AZIN2: variants seen among roughly 807,000 people sequenced by gnomAD.
AZIN2 encodes the protein ODC antizyme inhibitor-2.
AZIN2 carries 28 observed loss-of-function variants against 47.8 expected under a neutral mutation model. That is an observed-to-expected ratio of 0.59 (90% confidence interval 0.43 to 0.80). The LOEUF (loss-of-function observed/expected upper bound fraction) is 0.80, where lower values mean the gene tolerates loss of function less well. Ranked by LOEUF, AZIN2 falls within the 30% of genes least tolerant of loss-of-function variation. The probability of loss-of-function intolerance (pLI) is 0.00; values close to 1 mark genes in which losing one functional copy is unlikely to be tolerated. For synonymous variants in AZIN2, 221 were observed against 239.4 expected (o/e 0.92, Z 0.71); for missense variants, 535 against 582.5 (o/e 0.92, Z 0.84).
In AZIN2 at chr1:33,121,719, C is replaced by G. The variant is rs1443005209; in HGVS notation, c.*1537C>G. Among the ~76,000 whole-genome samples, 1 of 152,260 alleles carries G rather than the reference C, an allele frequency of 6.6e-6. No homozygotes were observed. The highest frequency in any genetic ancestry group is 1.5e-5 in the Non-Finnish European group (1 of 68,044). On this transcript the variant is annotated 3_prime_UTR_variant, in exon 12 of 12. Transcript: ENST00000294517. ...TCCCATTCCCCAGTCCCTGATGACA[C>G]AAATCTACCTTCCATCTCTATGGAT...
downstream of AZIN2, among the ~76,000 whole-genome samples, chr1:33,124,523 CTT>C (rs531404527): frequency 1.3e-5 from 2 of 150,170 alleles, no homozygotes; most frequent in African/African-American, 2.4e-5. The surrounding 1 kb of genome is among the most constrained non-coding windows in gnomAD (Gnocchi z 4.6). Context: ...AGTCAGGAAA[CTT>C]TTTTTTTTAT....
intron 10 of AZIN2, among the ~76,000 whole-genome samples, chr1:33,109,700 A>G (rs554272894): frequency 9.2e-5 from 14 of 151,382 alleles, no homozygotes; most frequent in African/African-American, 3.4e-4. Flanking sequence ...TCTTTTATGG[A>G]TTGTGCCTTA....
the AZIN2 span, chr1:33,147,635 G>T: frequency 3.7e-6 from 6 of 1,614,008 alleles, no homozygotes; most frequent in Non-Finnish European, 5.1e-6. The surrounding 1 kb of genome is among the most constrained non-coding windows in gnomAD (Gnocchi z 8.1). Context: ...AGTGGCTGTG[G>T]GTGCAAGTTG....
intron 10 of AZIN2, among the ~76,000 whole-genome samples, chr1:33,103,498 G>A (rs967767949): frequency 6.6e-6 from 1 of 152,072 alleles, no homozygotes; most frequent in South Asian, 2.1e-4. Flanking sequence ...TGTCAGGGAG[G>A]CCTTTCCTGA....
At chr1:33,134,728 G>A in the AZIN2 span, among the ~76,000 whole-genome samples, 1 of 152,316 alleles carries the variant, frequency 6.6e-6, no homozygotes, top group East Asian at 1.9e-4. Context: ...CTGGGTTCTT[G>A]GCCCACAGCA....
At chr1:33,100,893 A>T (rs1430584464) in intron 10 of AZIN2, among the ~76,000 whole-genome samples, 1 of 151,104 alleles carries the variant, frequency 6.6e-6, no homozygotes, top group Non-Finnish European at 1.5e-5. Context: ...ACAGAGTCTC[A>T]CTCTGTTGCC....
At chr1:33,138,565 T>C in the AZIN2 span, among the ~76,000 whole-genome samples, 1 of 149,390 alleles carries the variant, frequency 6.7e-6, no homozygotes, top group Non-Finnish European at 1.5e-5. Flanking sequence ...GGCACTGTGA[T>C]CGTGCCACTG....
intron 5 of AZIN2, among the ~76,000 whole-genome samples, chr1:33,086,181 C>T (rs1641875491): frequency 6.6e-6 from 1 of 152,080 alleles, no homozygotes; most frequent in Non-Finnish European, 1.5e-5. Flanking sequence ...TGTACACGAT[C>T]TCATTTTATT....
the AZIN2 span, among the ~76,000 whole-genome samples, chr1:33,130,843 C>T: frequency 6.6e-6 from 1 of 152,158 alleles, no homozygotes; most frequent in Admixed American, 6.5e-5. Context: ...CTGAATTGTG[C>T]AGTGGCTGTG....
At chr1:33,152,850 G>A in the AZIN2 span, among the ~76,000 whole-genome samples, 3 of 152,150 alleles carry the variant, frequency 2.0e-5, no homozygotes, top group African/African-American at 4.8e-5. Flanking sequence ...AGCAGGGGGC[G>A]GGGAGAGCAG....
At chr1:33,093,453 C>A (rs1386642381) in intron 7 of AZIN2, 37 bp downstream of exon 7, 55 of 1,603,446 alleles carry the variant, frequency 3.4e-5, no homozygotes, top group Non-Finnish European at 4.7e-5. Flanking sequence ...CCTCCCACAC[C>A]AGGCTCCCTG....
intron 5 of AZIN2, among the ~76,000 whole-genome samples, chr1:33,088,318 C>A (rs543586296): frequency 3.9e-5 from 6 of 152,224 alleles, no homozygotes; most frequent in African/African-American, 1.4e-4. Flanking sequence ...TCCTCATCAC[C>A]ACATGCAATC....
the AZIN2 span, among the ~76,000 whole-genome samples, chr1:33,159,251 T>A: frequency 6.6e-6 from 1 of 152,126 alleles, no homozygotes; most frequent in African/African-American, 2.4e-5. The surrounding 1 kb of genome is among the most constrained non-coding windows in gnomAD (Gnocchi z 4.2). Flanking sequence ...TAACACGTAA[T>A]GCCAACATTA....
At chr1:33,149,526 C>T in the AZIN2 span, among the ~76,000 whole-genome samples, 1 of 152,152 alleles carries the variant, frequency 6.6e-6, no homozygotes, top group Non-Finnish European at 1.5e-5. Context: ...GTCATCATAG[C>T]TCATTGGAGC....
chr1:33,159,884 G>A, the AZIN2 span: 283 of 1,610,454 alleles, frequency 1.8e-4, no homozygotes, highest in East Asian at 1.3e-4. This position sits in a 1 kb window ranked among gnomAD's most constrained non-coding sequence, Gnocchi z 4.2. Context: ...CGTTCACGCA[G>A]CAGCCGGTGC....
At position 33,120,170 on chromosome 1, in the gene AZIN2, G is replaced by C. The variant is rs772472480; in HGVS notation, c.1371G>C (p.Ala457=). 10 of 1,607,124 alleles carry C rather than the reference G, an allele frequency of 6.2e-6. No individual in the cohort carries two copies. In the African/African-American group the frequency reaches 1.2e-4, roughly 19 times the overall value. ...GCGTGGGCCCTGTCTTCACCCCAGC[G>C]AGCATCATGTGAGTGGGCCTCGTTC... ...TLCVGPVFTP[A]SIM is the part of the protein sequence containing the mutation. Residue 457 remains alanine (A), a synonymous_variant, in exon 12 of 12, where the codon GCG becomes GCC. Coordinates refer to ENST00000294517, the MANE Select transcript of AZIN2 (RefSeq NM_052998.4).
chr1:33,085,793 C>G (rs1383034658), intron 5 of AZIN2, among the ~76,000 whole-genome samples: 1 of 152,126 alleles, frequency 6.6e-6, no homozygotes, highest in Non-Finnish European at 1.5e-5. Flanking sequence ...GCATGTCTTC[C>G]ACGAAGCTCT....
At chr1:33,100,017 C>G (rs1231203859) in intron 10 of AZIN2, among the ~76,000 whole-genome samples, 1 of 150,918 alleles carries the variant, frequency 6.6e-6, no homozygotes, top group Non-Finnish European at 1.5e-5. Context: ...TGTGTTTAGA[C>G]CTGGGTATAA....
chr1:33,121,290 G>A lies in AZIN2; in HGVS notation c.*1108G>A, dbSNP rs927495792. 2.0e-5 allele frequency among the ~76,000 whole-genome samples: 3 copies of A among 152,220 alleles called. No individual in the cohort carries two copies. Among genetic ancestry groups the A allele is most frequent in the South Asian group, 2.1e-4 (1 of 4,832 alleles). On this transcript the variant is annotated 3_prime_UTR_variant, in exon 12 of 12. Transcript: ENST00000294517. ...CCCTTTTAAATGCAGAAGCCTGGGT[G>A]CAGTGGCTCACACCTGTAATCCCAG...
Sources: gnomAD v4.1 joint callset for allele counts (sites outside exome capture counted in the v4.1 genomes callset) on GRCh38, gnomAD v4.1.1 for gene constraint, Gnocchi (gnomAD v3.1) non-coding constraint, MANE v1.5 for transcripts, NCBI Gene and HGNC (gene_info 2026-07-23, HGNC 2026-07-21) for gene names.